XKR9: variants seen among roughly 807,000 people sequenced by gnomAD.
XKR9 encodes XK-related protein 9.
XKR9 carries 32 observed loss-of-function variants against 32.0 expected under a neutral mutation model. The observed-to-expected ratio is 1.00, with a 90% CI of 0.76 to 1.34. The LOEUF is 1.34. Among genes scored for constraint, XKR9 ranks in the 40% most tolerant of loss-of-function variants. The pLI, the probability that XKR9 is intolerant of heterozygous loss-of-function variation, is 0.00. For missense variants in XKR9, 546 were observed against 429.7 expected, an observed-to-expected ratio of 1.27 and a Z score of -2.39; for synonymous variants, 168 against 143.4, an observed-to-expected ratio of 1.17 and a Z score of -1.22.
In XKR9 at chr8:70,734,387, T is replaced by C. The variant is rs1296907098; in HGVS notation, c.1085T>C (p.Leu362Pro). Residue 362 changes from leucine (L) to proline (P), a missense_variant, in exon 5 of 5, where the codon CTA (leucine) becomes CCA (proline). Transcript: ENST00000408926. ...KCDEIDGKPV[L>P]RECRMRYFLM... ...GATGAAATTGATGGAAAACCAGTTC[T>C]AAGAGAATGTAGAATGAGATATTTC... 3 of 1,603,926 alleles carry C rather than the reference T, an allele frequency of 1.9e-6. No homozygotes were observed. The highest frequency in any genetic ancestry group is 3.4e-5 in the Admixed American group (2 of 58,894).
chr8:70,759,615 A>T (rs1807279798), intron 2 of XKR9, among the ~76,000 whole-genome samples: 1 of 152,164 alleles, frequency 6.6e-6, no homozygotes, highest in African/African-American at 2.4e-5. Context: ...AAAGATAATA[A>T]GCTATTTCTT....
At chr8:70,995,534 C>T in the XKR9 span, among the ~76,000 whole-genome samples, 13 of 152,180 alleles carry the variant, frequency 8.5e-5, no homozygotes, top group Non-Finnish European at 1.6e-4. Flanking sequence ...TGCTCTAACA[C>T]CTTGAAGAAC....
chr8:70,673,624 G>T (rs1186913657), intron 1 of XKR9, among the ~76,000 whole-genome samples: 1 of 152,110 alleles, frequency 6.6e-6, no homozygotes, highest in Admixed American at 6.6e-5. Context: ...AATTAGGTGG[G>T]CATGGTGGCG....
intron 2 of XKR9, among the ~76,000 whole-genome samples, chr8:70,679,731 A>C (rs1216954142): frequency 6.6e-6 from 1 of 152,164 alleles, no homozygotes; most frequent in Non-Finnish European, 1.5e-5. Flanking sequence ...TGAGTCAGAC[A>C]AATCTTGTAT....
the XKR9 span, among the ~76,000 whole-genome samples, chr8:70,893,029 T>C: frequency 6.6e-6 from 1 of 152,182 alleles, no homozygotes; most frequent in Non-Finnish European, 1.5e-5. Context: ...CTTCATGTTT[T>C]TTTCATTCTT....
chr8:70,710,154 G>C (rs1257387857), intron 4 of XKR9, among the ~76,000 whole-genome samples: 1 of 152,118 alleles, frequency 6.6e-6, no homozygotes, highest in Non-Finnish European at 1.5e-5. Context: ...ACAACCATCT[G>C]ATCTTCGACA....
chr8:70,879,702 T>A, the XKR9 span, among the ~76,000 whole-genome samples: 3 of 151,424 alleles, frequency 2.0e-5, no homozygotes, highest in Admixed American at 6.6e-5. Context: ...CAGGACCAGA[T>A]GGATTAACAG....
the XKR9 span, among the ~76,000 whole-genome samples, chr8:70,954,043 T>A: frequency 1.4e-4 from 22 of 151,964 alleles, 1 homozygote; most frequent in African/African-American, 5.1e-4. Flanking sequence ...AAAATTTTTT[T>A]TAAAAAAAAA....
the XKR9 span, among the ~76,000 whole-genome samples, chr8:70,995,443 T>A: frequency 6.6e-6 from 1 of 152,240 alleles, no homozygotes; most frequent in African/African-American, 2.4e-5. Flanking sequence ...TCTTTTCATT[T>A]GCAATTCTGT....
At chr8:70,870,109 T>C in the XKR9 span, among the ~76,000 whole-genome samples, 1 of 152,242 alleles carries the variant, frequency 6.6e-6, no homozygotes, top group Non-Finnish European at 1.5e-5. Flanking sequence ...ATGATTTACT[T>C]GAGGAAAATC....
rs140394766 is a variant in XKR9 at position 70,779,869 on chromosome 8, A to T, written n.353-9470A>T. Among the ~76,000 whole-genome samples the T allele has an allele frequency of 1.5e-4, 23 of 151,888 alleles. No individual in the cohort carries two copies. In the East Asian group the frequency reaches 4.2e-3, roughly 28 times the overall value. ...TTTCTTCTTTATTAGTCTTGCTAGC[A>T]GTGTATCTGTTTTGTTGATCTTTTC... On this transcript the variant is annotated intron_variant and non_coding_transcript_variant, in intron 2 of 3. Transcript: ENST00000520273.
chr8:70,721,232 T>C (rs534497399), intron 4 of XKR9, among the ~76,000 whole-genome samples: 1 of 152,320 alleles, frequency 6.6e-6, no homozygotes, highest in East Asian at 1.9e-4. Context: ...TCTATTTTGT[T>C]AATCTTTTCA....
chr8:70,833,513 A>G, the XKR9 span, among the ~76,000 whole-genome samples: 2 of 149,734 alleles, frequency 1.3e-5, no homozygotes, highest in Non-Finnish European at 3.0e-5. Context: ...CTTGTTAGTT[A>G]AAAAAAAAAT....
the XKR9 span, among the ~76,000 whole-genome samples, chr8:70,979,382 G>A: frequency 9.2e-5 from 14 of 152,264 alleles, no homozygotes; most frequent in South Asian, 2.1e-4. Flanking sequence ...TTTTATCTAC[G>A]TTTGGTGTTT....
chr8:70,975,565 T>C, the XKR9 span, among the ~76,000 whole-genome samples: 1 of 152,162 alleles, frequency 6.6e-6, no homozygotes, highest in African/African-American at 2.4e-5. Flanking sequence ...TGTGTGGTGT[T>C]ATTTCTGAGG....
At chr8:71,033,229 A>C in the XKR9 span, among the ~76,000 whole-genome samples, 2 of 152,216 alleles carry the variant, frequency 1.3e-5, no homozygotes, top group Admixed American at 1.3e-4. Context: ...AGACTCCCCC[A>C]CTACCAGTGT....
the XKR9 span, among the ~76,000 whole-genome samples, chr8:70,840,106 A>G: frequency 1.3e-5 from 2 of 152,158 alleles, no homozygotes; most frequent in South Asian, 4.1e-4. Flanking sequence ...GACAATTTTA[A>G]TAAGTAACTT....
At chr8:70,840,874 T>C in the XKR9 span, among the ~76,000 whole-genome samples, 13 of 152,280 alleles carry the variant, frequency 8.5e-5, no homozygotes, top group Middle Eastern at 0.01. Flanking sequence ...CCTAAAAAAA[T>C]TGAGAAACAA....
chr8:70,743,617 A>G (rs576615053), intron 2 of XKR9, among the ~76,000 whole-genome samples: 2 of 152,268 alleles, frequency 1.3e-5, no homozygotes, highest in Non-Finnish European at 1.5e-5. Flanking sequence ...AGCTGCATCG[A>G]GTCTTCCCCT....
Sources: gnomAD v4.1 joint callset for allele counts (sites outside exome capture counted in the v4.1 genomes callset) on GRCh38, gnomAD v4.1.1 for gene constraint, MANE v1.5 for transcripts, NCBI Gene and HGNC (gene_info 2026-07-23, HGNC 2026-07-21) for gene names.